The following BTRC variants were observed in gnomAD, a reference collection of about 807,000 sequenced individuals.
BTRC encodes F-box/WD repeat-containing protein 1A.
Under a neutral mutation model 85.5 loss-of-function variants are expected in BTRC, and 42 were observed. The observed-to-expected ratio is 0.49, with a 90% CI of 0.38 to 0.64. BTRC has a LOEUF of 0.64. BTRC is among the 30% of genes least tolerant of loss of function. BTRC has a pLI of 0.00. For missense variants in BTRC, 594 were observed against 743.5 expected (o/e 0.80, Z 2.34); for synonymous variants, 255 against 263.3 (o/e 0.97, Z 0.30).
chr10:101,555,913 C>G lies in BTRC; in HGVS notation c.*2790C>G, dbSNP rs1382414348. The G allele has an allele frequency of 6.6e-6, 1 of 152,196 alleles. No individual in the cohort carries two copies. The highest frequency in any genetic ancestry group is 1.5e-5 in the Non-Finnish European group (1 of 68,050). The allele number at this position is 152,196 out of a possible 1,614,324, so 9.4% of individuals were successfully genotyped here. ...CAGACACGTGACCTTTTGGTGCACA[C>G]TGGAGCTACTTGGACAAGACCAGCA... On this transcript the variant is annotated 3_prime_UTR_variant, in exon 15 of 15. Coordinates refer to ENST00000370187, the MANE Select transcript of BTRC (RefSeq NM_033637.4).
chr10:101,511,493 C>T (rs983934914), intron 4 of BTRC, among the ~76,000 whole-genome samples: 40 of 152,148 alleles, frequency 2.6e-4, no homozygotes, highest in Admixed American at 1.8e-3. Context: ...TCCCAAGTAG[C>T]TGGAACCACA....
At chr10:101,366,994 TAATA>T (rs1942461096) in intron 1 of BTRC, among the ~76,000 whole-genome samples, 1 of 51,668 alleles carries the variant, frequency 1.9e-5, no homozygotes, top group East Asian at 3.6e-4. Context: ...TTATATATAT[TAATA>T]TATATATTTA....
chr10:101,418,793 C>G (rs1944017991), intron 1 of BTRC, among the ~76,000 whole-genome samples: 1 of 152,044 alleles, frequency 6.6e-6, no homozygotes. Context: ...TTGCACCTAT[C>G]AACCCATCAC....
chr10:101,524,967 C>G (rs1246873706), intron 5 of BTRC, among the ~76,000 whole-genome samples: 6 of 152,100 alleles, frequency 3.9e-5, no homozygotes, highest in African/African-American at 1.4e-4. Context: ...AATGAAATGC[C>G]ATGTTCTCTT....
At position 101,357,515 on chromosome 10, in the gene BTRC, C is replaced by T. The variant is rs1476640221; in HGVS notation, c.48+3287C>T. Among the ~76,000 whole-genome samples, 3 of 149,758 alleles carry T rather than the reference C, an allele frequency of 2.0e-5. No individual in the cohort carries two copies. In the East Asian group the frequency reaches 5.9e-4, roughly 29 times the overall value. ...TTAGTGCACAGTACACATGGAAGAA[C>T]TATCCTTTTAATCAAACGGGCATTT... On this transcript the variant is annotated intron_variant, in intron 1 of 14. Coordinates refer to ENST00000370187, the MANE Select transcript of BTRC (RefSeq NM_033637.4).
intron 1 of BTRC, among the ~76,000 whole-genome samples, chr10:101,381,145 T>G (rs896280467): frequency 1.3e-5 from 2 of 150,406 alleles, no homozygotes; most frequent in Admixed American, 1.3e-4. Flanking sequence ...ACAATAATAA[T>G]GGCAGCCAAC....
chr10:101,469,180 A>G (rs1245678789), intron 3 of BTRC, among the ~76,000 whole-genome samples: 1 of 152,222 alleles, frequency 6.6e-6, no homozygotes, highest in Non-Finnish European at 1.5e-5. Context: ...GCCTGTGGCT[A>G]TTATATTCAC....
intron 1 of BTRC, among the ~76,000 whole-genome samples, chr10:101,373,469 T>C (rs908807663): frequency 3.3e-5 from 5 of 151,474 alleles, no homozygotes; most frequent in African/African-American, 7.3e-5. Context: ...AGAAAAAGAG[T>C]AAAATATAGC....
intron 13 of BTRC, among the ~76,000 whole-genome samples, chr10:101,540,576 G>GT (rs1158408465): frequency 6.6e-6 from 1 of 152,126 alleles, no homozygotes; most frequent in Non-Finnish European, 1.5e-5. Flanking sequence ...CTTTTTCAAA[G>GT]TTTTTTGGGG....
intron 4 of BTRC, among the ~76,000 whole-genome samples, chr10:101,486,659 C>T (rs1945997509): frequency 6.6e-6 from 1 of 152,086 alleles, no homozygotes; most frequent in African/African-American, 2.4e-5. Context: ...ATCTCCAGCC[C>T]CCTAAAATGC....
Position 101,534,810 on chromosome 10 carries a change from T to C in BTRC, c.1247T>C (p.Ile416Thr). The C allele has an allele frequency of 6.2e-7, 1 of 1,614,146 alleles. No homozygotes were observed. The highest frequency in any genetic ancestry group is 8.5e-7 in the Non-Finnish European group (1 of 1,180,010). Reference protein sequence around the residue: ...AVWDMASPTDITLRRVLVGHR... With the variant: ...AVWDMASPTDTTLRRVLVGHR... ...TGGGATATGGCCTCCCCAACTGACATTACCCTCCGGAGGGTGCTGGTCGGA... is the reference window on the plus strand; with the variant it reads ...TGGGATATGGCCTCCCCAACTGACACTACCCTCCGGAGGGTGCTGGTCGGA... Residue 416 changes from isoleucine (I) to threonine (T), a missense_variant, in exon 10 of 15, where the codon ATT becomes ACT. Physicochemically the swap from Ile to Thr is moderately conservative, Grantham distance 89 (BLOSUM62 -1). Coordinates refer to ENST00000370187, the MANE Select transcript of BTRC (RefSeq NM_033637.4).
intron 1 of BTRC, among the ~76,000 whole-genome samples, chr10:101,421,538 A>G (rs1447692697): frequency 6.6e-6 from 1 of 151,742 alleles, no homozygotes; most frequent in Non-Finnish European, 1.5e-5. Flanking sequence ...ACATATGTAT[A>G]CATGTGCCAT....
intron 4 of BTRC, among the ~76,000 whole-genome samples, chr10:101,481,060 C>T (rs960939113): frequency 2.6e-5 from 4 of 152,034 alleles, no homozygotes; most frequent in African/African-American, 9.7e-5. Flanking sequence ...TAGCTGAAAA[C>T]ATGAGTGCAT....
At position 101,382,198 on chromosome 10, in the gene BTRC, G is replaced by A. The variant is rs555608225; in HGVS notation, c.48+27970G>A. ...GGGTTTCACCATGCTGGCCAGGCTG[G>A]TCTCGAACTCCCGACCTCAGGTGAT... is the stretch of plus-strand genomic sequence containing the variant. On this transcript the variant is annotated intron_variant, in intron 1 of 14. Coordinates refer to ENST00000370187, the MANE Select transcript of BTRC (RefSeq NM_033637.4). 2.6e-5 allele frequency among the ~76,000 whole-genome samples: 4 copies of A among 151,422 alleles called. No individual in the cohort carries two copies. The South Asian group carries it at 6.3e-4, about 24-fold the overall frequency.
chr10:101,462,971 G>T (rs1353744191), intron 3 of BTRC, among the ~76,000 whole-genome samples: 7 of 151,196 alleles, frequency 4.6e-5, no homozygotes, highest in African/African-American at 1.7e-4. Context: ...GGGTTCAAGC[G>T]ATTCTCCTGC....
intron 4 of BTRC, among the ~76,000 whole-genome samples, chr10:101,483,341 T>A (rs1369809095): frequency 6.6e-6 from 1 of 152,192 alleles, no homozygotes; most frequent in East Asian, 1.9e-4. Context: ...ACACCTGTAA[T>A]CCCAGTACTT....
At chr10:101,529,930 C>A (rs1045658318) in intron 6 of BTRC, among the ~76,000 whole-genome samples, 1 of 152,218 alleles carries the variant, frequency 6.6e-6, no homozygotes, top group Non-Finnish European at 1.5e-5. Flanking sequence ...TTGCAAGGCA[C>A]GGTGCCAGTG....
At chr10:101,466,923 A>C (rs1334852128) in intron 3 of BTRC, among the ~76,000 whole-genome samples, 1 of 152,194 alleles carries the variant, frequency 6.6e-6, no homozygotes, top group African/African-American at 2.4e-5. Context: ...GAAGAACTTA[A>C]ATCAGCCAGT....
Position 101,447,534 on chromosome 10 carries a change from A to G in BTRC, c.157-14447A>G, listed in dbSNP as rs146783646. Among the ~76,000 whole-genome samples, 29 of 152,314 alleles carry G rather than the reference A, an allele frequency of 1.9e-4. No individual in the cohort carries two copies. In the South Asian group the frequency reaches 3.3e-3, roughly 17 times the overall value. The stretch of plus-strand genomic sequence containing the variant: ...ATGGTATTCACTAATTCTGTACTGT[A>G]AGAACAACTACTATGATATTAAAAT... On this transcript the variant is annotated intron_variant, in intron 2 of 14. Transcript: ENST00000370187.
Sources: gnomAD v4.1 joint callset for allele counts (sites outside exome capture counted in the v4.1 genomes callset) on GRCh38, gnomAD v4.1.1 for gene constraint, MANE v1.5 for transcripts, NCBI Gene and HGNC (gene_info 2026-07-23, HGNC 2026-07-21) for gene names.